Variants in PAX7 observed in about 807,000 individuals in gnomAD.
The protein encoded by PAX7 is paired box 7, also known as paired box protein Pax-7.
In PAX7, 18 loss-of-function variants were observed where a neutral mutation model predicts 50.7. The observed-to-expected ratio is 0.36, with a 90% confidence interval of 0.25 to 0.53. PAX7 has a LOEUF of 0.53. Ranked by LOEUF, PAX7 falls within the 20% of genes least tolerant of loss-of-function variation. PAX7 has a pLI of 0.93. For synonymous variants in PAX7, 310 were observed against 290.4 expected (o/e 1.07, Z -0.69); for missense variants, 644 against 702.9 (o/e 0.92, Z 0.95).
At chr1:18,731,307 G>A (rs909198937) in intron 7 of PAX7, among the ~76,000 whole-genome samples, 8 of 152,168 alleles carry the variant, frequency 5.3e-5, no homozygotes, top group African/African-American at 1.9e-4. Flanking sequence ...GCCAGCGAGG[G>A]GCATTTAGGC....
At chr1:18,725,729 A>G (rs1404815177) in intron 7 of PAX7, among the ~76,000 whole-genome samples, 1 of 152,048 alleles carries the variant, frequency 6.6e-6, no homozygotes, top group African/African-American at 2.4e-5. Context: ...GAGCAGAGTC[A>G]CTCTAATCCC....
rs2089693828 is a variant in PAX7, at chr1:18,735,128, G to A, written c.1156-504G>A. On this transcript the variant is annotated intron_variant, in intron 7 of 8. Transcript: ENST00000420770. The surrounding 1 kb of genome is among the most constrained non-coding windows in gnomAD (Gnocchi z 4.0). ...ACCTCAGAGTCCGGAGGAGTGGCAG[G>A]CAGAGCAAGCCACACACAGTGACAG... Among the ~76,000 whole-genome samples, 2 of 152,156 alleles carry A rather than the reference G, an allele frequency of 1.3e-5. No individual in the cohort carries two copies. The highest frequency in any genetic ancestry group is 2.1e-4 in the South Asian group (1 of 4,826).
At chr1:18,738,966 C>T (rs1471793395) in intron 8 of PAX7, among the ~76,000 whole-genome samples, 5 of 152,220 alleles carry the variant, frequency 3.3e-5, no homozygotes, top group African/African-American at 1.2e-4. Context: ...GCCCCACATC[C>T]CTGGGCAACT....
chr1:18,725,233 C>G (rs2089544018), intron 7 of PAX7, among the ~76,000 whole-genome samples: 2 of 152,106 alleles, frequency 1.3e-5, no homozygotes, highest in South Asian at 4.1e-4. Flanking sequence ...ACAAGGCCTC[C>G]CTGCCACCGC....
chr1:18,631,541 G>T lies in PAX7; in HGVS notation c.-63G>T, dbSNP rs2088045825. ...CGGAAAGAAAGAGATCGCAGCAGGG[G>T]TGAAGGGAGCGGACGGGAAGCGATT... On this transcript the variant is annotated 5_prime_UTR_variant, in exon 1 of 9. Coordinates refer to ENST00000420770, the MANE Select transcript of PAX7 (RefSeq NM_001135254.2). 1 of 1,344,904 alleles carries T rather than the reference G, an allele frequency of 7.4e-7. No individual in the cohort carries two copies. Among genetic ancestry groups the T allele is most frequent in the Non-Finnish European group, 1.1e-6 (1 of 947,808 alleles). 83.3% of individuals were successfully genotyped at this position (1,344,904 alleles called of 1,614,324 possible).
Position 18,747,458 on chromosome 1 carries a change from G to A in PAX7, c.*2529G>A, listed in dbSNP as rs145180412. ...CCCTGATAGGTTCTCTCTAAAACCC[G>A]TATATTAACGCATCTGGCCAACTTG... On this transcript the variant is annotated 3_prime_UTR_variant, in exon 9 of 9. Coordinates refer to ENST00000420770, the MANE Select transcript of PAX7 (RefSeq NM_001135254.2). 5.0e-5 allele frequency: 11 copies of A among 221,660 alleles called. No homozygotes were observed. Among genetic ancestry groups the A allele is most frequent in the South Asian group, 1.8e-4 (1 of 5,444 alleles). 13.7% of individuals were successfully genotyped at this position (221,660 alleles called of 1,614,324 possible).
chr1:18,687,887 G>A (rs2089000055), intron 4 of PAX7, among the ~76,000 whole-genome samples: 1 of 152,178 alleles, frequency 6.6e-6, no homozygotes, highest in South Asian at 2.1e-4. Flanking sequence ...GATCCCTGCA[G>A]AATAAGGAGT....
rs367924015 is a variant in PAX7, at chr1:18,713,084, GA to G, written c.1155+9796del. Among the ~76,000 whole-genome samples, 939 of 151,506 alleles carry G rather than the reference GA, an allele frequency of 6.2e-3. 10 individuals are homozygous for G. The highest frequency in any genetic ancestry group is 0.021 in the African/African-American group (881 of 41,356). On this transcript the variant is annotated intron_variant, in intron 7 of 8. Transcript: ENST00000420770. ...GCAACAGATCAAGACTCCATCTCAA[GA>G]AAAAAAAGGGGAGGGGCACTCTGGG...
chr1:18,642,255 A>G (rs2088268182), intron 4 of PAX7, among the ~76,000 whole-genome samples: 2 of 152,068 alleles, frequency 1.3e-5, no homozygotes, highest in Admixed American at 1.3e-4. Context: ...CCATCAACAA[A>G]GTTGATGAGG....
intron 7 of PAX7, among the ~76,000 whole-genome samples, chr1:18,716,695 A>G (rs79068872): frequency 0.071 from 10,602 of 150,102 alleles, 1,211 homozygotes; most frequent in African/African-American, 0.24. Context: ...CATTCTCTCA[A>G]ACCCTCATTT....
At chr1:18,690,386 G>T (rs920326146) in intron 4 of PAX7, among the ~76,000 whole-genome samples, 1 of 152,190 alleles carries the variant, frequency 6.6e-6, no homozygotes, top group Non-Finnish European at 1.5e-5. Context: ...TATGCTTCCC[G>T]CAGCTCCCCA....
rs1033146317 is a variant in PAX7 at position 18,631,367 on chromosome 1, G to T, written c.-237G>T. ...TGTTTGTTTGAACTTCCTCGTCGTC[G>T]CCACCTTCCCTCCCCCCAACCTCCA... On this transcript the variant is annotated 5_prime_UTR_variant, in exon 1 of 9. Coordinates refer to ENST00000420770, the MANE Select transcript of PAX7 (RefSeq NM_001135254.2). The T allele has an allele frequency of 1.9e-6, 1 of 522,024 alleles. No individual in the cohort carries two copies. Among genetic ancestry groups the T allele is most frequent in the Non-Finnish European group, 3.4e-6 (1 of 290,120 alleles). 32.3% of individuals were successfully genotyped at this position (522,024 alleles called of 1,614,324 possible).
Position 18,643,131 on chromosome 1 carries a change from C to T in PAX7, c.586+6760C>T, listed in dbSNP as rs1393888007. Among the ~76,000 whole-genome samples the T allele has an allele frequency of 3.9e-5, 6 of 152,174 alleles. No individual in the cohort carries two copies. The East Asian group carries it at 1.2e-3, about 29-fold the overall frequency. On this transcript the variant is annotated intron_variant, in intron 4 of 8. Coordinates refer to ENST00000420770, the MANE Select transcript of PAX7 (RefSeq NM_001135254.2). ...CCCAAGTCCAGCTCAAAAGAGGCCC[C>T]GAGGGCATTCTAGGGCGCCTTGGGC... is the stretch of plus-strand genomic sequence containing the variant.
chr1:18,658,661 G>T (rs1002079250), intron 4 of PAX7, among the ~76,000 whole-genome samples: 1 of 152,236 alleles, frequency 6.6e-6, no homozygotes, highest in South Asian at 2.1e-4. Context: ...CTTAGCCCCA[G>T]TTCTATGGCA....
At chr1:18,734,361 C>G (rs1570244423) in intron 7 of PAX7, among the ~76,000 whole-genome samples, 1 of 152,254 alleles carries the variant, frequency 6.6e-6, no homozygotes, top group African/African-American at 2.4e-5. Context: ...GGCCTGGGCC[C>G]TGCAGGTTAG....
At chr1:18,685,988 A>C (rs2088968844) in intron 4 of PAX7, among the ~76,000 whole-genome samples, 1 of 152,026 alleles carries the variant, frequency 6.6e-6, no homozygotes, top group African/African-American at 2.4e-5. Context: ...GCTCCTGCCC[A>C]CCCCAAAGCT....
At chr1:18,716,009 G>T (rs1357038850) in intron 7 of PAX7, among the ~76,000 whole-genome samples, 2 of 151,596 alleles carry the variant, frequency 1.3e-5, no homozygotes, top group Non-Finnish European at 2.9e-5. Context: ...CCCACTCTAG[G>T]TTCCTGCCCT....
intron 7 of PAX7, among the ~76,000 whole-genome samples, chr1:18,710,355 G>A (rs2089335121): frequency 6.6e-6 from 1 of 152,122 alleles, no homozygotes; most frequent in Admixed American, 6.5e-5. Context: ...TCACACAGTG[G>A]ACACTGGAGA....
chr1:18,690,558 C>T (rs1165527616), intron 4 of PAX7, among the ~76,000 whole-genome samples: 1 of 152,196 alleles, frequency 6.6e-6, no homozygotes, highest in East Asian at 1.9e-4. Context: ...GCAGGGGCTT[C>T]CTGCAGCCTC....
Sources: gnomAD v4.1 joint callset for allele counts (sites outside exome capture counted in the v4.1 genomes callset) on GRCh38, gnomAD v4.1.1 for gene constraint, Gnocchi (gnomAD v3.1) non-coding constraint, MANE v1.5 for transcripts, NCBI Gene and HGNC (gene_info 2026-07-23, HGNC 2026-07-21) for gene names.